The following CXCL13 variants were observed in gnomAD, a reference collection of about 807,000 sequenced individuals.
The protein encoded by CXCL13 is C-X-C motif chemokine ligand 13.
In CXCL13, 7 loss-of-function variants were observed where a neutral mutation model predicts 12.2. That is an observed-to-expected ratio of 0.57 (90% CI 0.33 to 1.07). The LOEUF is 1.07. Among genes scored for constraint, CXCL13 ranks in the 50% least tolerant of loss-of-function variants. The pLI is 0.04. For missense variants in CXCL13, 113 were observed against 127.4 expected, an observed-to-expected ratio of 0.89 and a Z score of 0.55; for synonymous variants, 47 against 42.4, an observed-to-expected ratio of 1.11 and a Z score of -0.42.
chr4:77,522,997 G>A (rs1256028617), intron 1 of CXCL13, among the ~76,000 whole-genome samples: 3 of 152,092 alleles, frequency 2.0e-5, no homozygotes, highest in African/African-American at 2.4e-5. Flanking sequence ...TTAAATTCTA[G>A]GTTGAAAATT....
intron 1 of CXCL13, among the ~76,000 whole-genome samples, chr4:77,553,410 G>T (rs1469227993): frequency 6.6e-6 from 1 of 152,210 alleles, no homozygotes; most frequent in Non-Finnish European, 1.5e-5. Context: ...ATGGTGTCCT[G>T]CCCTCAGTTC....
chr4:77,573,823 A>T (rs1157407552), intron 1 of CXCL13, among the ~76,000 whole-genome samples: 1 of 151,888 alleles, frequency 6.6e-6, no homozygotes, highest in Admixed American at 6.5e-5. Context: ...CAATTTATTT[A>T]TTCTTTTCCC....
At chr4:77,569,519 C>CCA (rs1726014060) in intron 1 of CXCL13, among the ~76,000 whole-genome samples, 1 of 151,860 alleles carries the variant, frequency 6.6e-6, no homozygotes, top group Non-Finnish European at 1.5e-5. Context: ...TTCCCAACTG[C>CCA]CACACACACA....
chr4:77,540,076 C>A (rs888528231), intron 1 of CXCL13, among the ~76,000 whole-genome samples: 2 of 151,992 alleles, frequency 1.3e-5, no homozygotes. Flanking sequence ...AAAATAGACA[C>A]GATATTTTTT....
At chr4:77,545,990 C>T (rs1725352452) in intron 1 of CXCL13, among the ~76,000 whole-genome samples, 1 of 152,088 alleles carries the variant, frequency 6.6e-6, no homozygotes, top group South Asian at 2.1e-4. Flanking sequence ...GTCTTTTCTG[C>T]CTCTATTGAG....
intron 1 of CXCL13, among the ~76,000 whole-genome samples, chr4:77,584,545 A>G (rs1399538060): frequency 1.3e-5 from 2 of 152,262 alleles, no homozygotes; most frequent in Non-Finnish European, 2.9e-5. Context: ...AAAGTCTTCT[A>G]AAAATCTGAG....
chr4:77,570,870 G>T (rs371759583), intron 1 of CXCL13, among the ~76,000 whole-genome samples: 1 of 152,000 alleles, frequency 6.6e-6, no homozygotes, highest in Non-Finnish European at 1.5e-5. Context: ...TGCTGCGCTC[G>T]ATTTCTCACC....
intron 1 of CXCL13, 127 bp downstream of exon 1, chr4:77,606,056 T>C (rs1289195906): frequency 2.1e-6 from 1 of 484,536 alleles, no homozygotes; most frequent in African/African-American, 2.0e-5. Flanking sequence ...CTGTTCCTTC[T>C]AGATTTCTCA....
chr4:77,513,667 T>C, intron 1 of CXCL13, among the ~76,000 whole-genome samples: 1 of 152,112 alleles, frequency 6.6e-6, no homozygotes, highest in East Asian at 1.9e-4. Flanking sequence ...TTAGCCAGGA[T>C]GGCCTCCATC....
At chr4:77,567,942 C>T (rs1725977252) in intron 1 of CXCL13, among the ~76,000 whole-genome samples, 1 of 152,176 alleles carries the variant, frequency 6.6e-6, no homozygotes, top group African/African-American at 2.4e-5. Flanking sequence ...AGTAGCCATT[C>T]TTTTATTCCT....
At chr4:77,545,286 A>C (rs918136285) in intron 1 of CXCL13, among the ~76,000 whole-genome samples, 3 of 152,162 alleles carry the variant, frequency 2.0e-5, no homozygotes, top group African/African-American at 7.2e-5. Flanking sequence ...CTGTGAAGGA[A>C]GTCATTGGTA....
At chr4:77,533,618 C>T (rs1236966919) in intron 1 of CXCL13, among the ~76,000 whole-genome samples, 1 of 152,166 alleles carries the variant, frequency 6.6e-6, no homozygotes, top group African/African-American at 2.4e-5. Flanking sequence ...TTTGGCTGTG[C>T]CCTGCCCCCA....
At chr4:77,527,199 T>C (rs986438363) in intron 1 of CXCL13, among the ~76,000 whole-genome samples, 2 of 152,062 alleles carry the variant, frequency 1.3e-5, no homozygotes, top group Non-Finnish European at 2.9e-5. Flanking sequence ...AATGTAGCAC[T>C]GTACACCGAT....
At chr4:77,559,806 C>G (rs1038457348) in intron 1 of CXCL13, among the ~76,000 whole-genome samples, 1 of 151,546 alleles carries the variant, frequency 6.6e-6, no homozygotes, top group Non-Finnish European at 1.5e-5. Context: ...CCTGTAGTCC[C>G]AGCTACTCAG....
chr4:77,602,627 G>A (rs766852722), upstream of CXCL13, among the ~76,000 whole-genome samples: 13 of 150,906 alleles, frequency 8.6e-5, no homozygotes, highest in Non-Finnish European at 1.8e-4. Flanking sequence ...AATCTGATTC[G>A]ATTCCAAAGT....
chr4:77,604,610 A>T (rs1331364123), upstream of CXCL13, among the ~76,000 whole-genome samples: 1 of 152,048 alleles, frequency 6.6e-6, no homozygotes, highest in Non-Finnish European at 1.5e-5. Flanking sequence ...CATCGTAACA[A>T]CTAGAAGTGC....
chr4:77,521,444 G>T (rs1484974641), intron 1 of CXCL13, among the ~76,000 whole-genome samples: 1 of 152,106 alleles, frequency 6.6e-6, no homozygotes, highest in South Asian at 2.1e-4. Flanking sequence ...TTTAGTCTTG[G>T]GAGGGTGTAT....
chr4:77,569,711 G>A (rs1174363933), intron 1 of CXCL13, among the ~76,000 whole-genome samples: 1 of 152,142 alleles, frequency 6.6e-6, no homozygotes, highest in Admixed American at 6.5e-5. Context: ...CAAAGCAATT[G>A]ATAGATTCAA....
chr4:77,533,171 A>G (rs1397432498), intron 1 of CXCL13, among the ~76,000 whole-genome samples: 1 of 151,798 alleles, frequency 6.6e-6, no homozygotes, highest in East Asian at 1.9e-4. Context: ...GGTTTTATCT[A>G]CCTTTGGTCT....
Sources: allele counts gnomAD v4.1 joint callset (sites outside exome capture counted in the v4.1 genomes callset), GRCh38; gene constraint gnomAD v4.1.1; transcripts MANE v1.5; gene names NCBI Gene and HGNC (gene_info 2026-07-23, HGNC 2026-07-21).